Variants in ERBB4 observed in about 807,000 individuals in gnomAD.
The protein encoded by ERBB4 is erb-b2 receptor tyrosine kinase 4, also known as receptor tyrosine-protein kinase erbB-4.
In ERBB4, 42 loss-of-function variants were observed where a neutral mutation model predicts 158.0. The observed-to-expected ratio is 0.27, with a 90% CI of 0.21 to 0.34. ERBB4 has a LOEUF of 0.34. Among genes scored for constraint, ERBB4 ranks in the 10% least tolerant of loss-of-function variants. The probability of loss-of-function intolerance (pLI) is 1.00; values close to 1 mark genes in which losing one functional copy is unlikely to be tolerated. For missense variants in ERBB4, 1,333 were observed against 1,624.1 expected (o/e 0.82, Z 3.08); for synonymous variants, 583 against 558.7 (o/e 1.04, Z -0.61).
intron 1 of ERBB4, among the ~76,000 whole-genome samples, chr2:212,283,539 C>A (rs571909330): frequency 5.3e-5 from 8 of 151,882 alleles, no homozygotes; most frequent in African/African-American, 1.9e-4. Context: ...TATGTATCAC[C>A]CCTTAGAGTT....
chr2:211,702,775 G>C (rs1032446008), intron 11 of ERBB4, among the ~76,000 whole-genome samples: 1 of 152,038 alleles, frequency 6.6e-6, no homozygotes, highest in Non-Finnish European at 1.5e-5. Context: ...TGGGGAAAAG[G>C]TCTCTAAAAG....
chr2:212,533,604 G>C (rs978514853), intron 1 of ERBB4, among the ~76,000 whole-genome samples: 1 of 151,990 alleles, frequency 6.6e-6, no homozygotes, highest in Non-Finnish European at 1.5e-5. Context: ...CATAAAAAGG[G>C]GTTATTTTTC....
intron 20 of ERBB4, among the ~76,000 whole-genome samples, chr2:211,529,892 G>A (rs2066449532): frequency 6.6e-6 from 1 of 152,110 alleles, no homozygotes; most frequent in Non-Finnish European, 1.5e-5. Context: ...GCATCATACT[G>A]AAGGGAGAAA....
intron 1 of ERBB4, among the ~76,000 whole-genome samples, chr2:212,413,891 G>A (rs1173992390): frequency 6.6e-6 from 1 of 152,036 alleles, no homozygotes; most frequent in Non-Finnish European, 1.5e-5. Flanking sequence ...GATAAAACAA[G>A]AGTACAGCCT....
At chr2:211,632,019 A>G (rs1464446631) in intron 16 of ERBB4, among the ~76,000 whole-genome samples, 1 of 152,100 alleles carries the variant, frequency 6.6e-6, no homozygotes, top group Non-Finnish European at 1.5e-5. Context: ...AACTTCTTCT[A>G]TAAATGAAAT....
chr2:212,051,920 T>C (rs983534570), intron 2 of ERBB4, among the ~76,000 whole-genome samples: 2 of 152,196 alleles, frequency 1.3e-5, no homozygotes, highest in African/African-American at 4.8e-5. Flanking sequence ...GTTCAGATTT[T>C]GACCTTAACA....
At chr2:211,711,172 T>C (rs1434536164) in intron 9 of ERBB4, among the ~76,000 whole-genome samples, 1 of 152,116 alleles carries the variant, frequency 6.6e-6, no homozygotes, top group Non-Finnish European at 1.5e-5. Context: ...ATATAATAAT[T>C]GATTTGAATG....
At chr2:211,917,665 G>A (rs1167170795) in intron 3 of ERBB4, among the ~76,000 whole-genome samples, 1 of 152,100 alleles carries the variant, frequency 6.6e-6, no homozygotes, top group South Asian at 2.1e-4. Context: ...CTAAAAGTGG[G>A]TATAGGACTG....
chr2:212,183,011 G>A (rs941966645), intron 1 of ERBB4, among the ~76,000 whole-genome samples: 1 of 151,446 alleles, frequency 6.6e-6, no homozygotes, highest in Non-Finnish European at 1.5e-5. Flanking sequence ...AAATAATATA[G>A]ATAAAACCCA....
At chr2:212,101,610 T>C (rs1468180861) in intron 2 of ERBB4, among the ~76,000 whole-genome samples, 3 of 151,788 alleles carry the variant, frequency 2.0e-5, no homozygotes, top group Non-Finnish European at 4.4e-5. Flanking sequence ...CACAAAAAGT[T>C]GAAAACGCTC....
chr2:212,129,481 T>C (rs1245081317), intron 1 of ERBB4, among the ~76,000 whole-genome samples: 3 of 151,586 alleles, frequency 2.0e-5, no homozygotes, highest in Admixed American at 2.0e-4. Context: ...ATTCATAAGT[T>C]CTCATTAATA....
At chr2:212,481,412 C>A (rs1013129032) in intron 1 of ERBB4, among the ~76,000 whole-genome samples, 1 of 152,062 alleles carries the variant, frequency 6.6e-6, no homozygotes, top group African/African-American at 2.4e-5. Context: ...AAACAGAAAG[C>A]ACAAAGAGGG....
At position 211,878,930 on chromosome 2, in the gene ERBB4, A is replaced by G. The variant is rs538549358; in HGVS notation, c.421+68500T>C. On this transcript the variant is annotated intron_variant, in intron 3 of 27. Transcript: ENST00000342788. ...AGCACAAATGATAATAACAAGAAAGACTAACATTCACTGAGTTCTTAACAG... is the reference window on the plus strand; with the variant it reads ...AGCACAAATGATAATAACAAGAAAGGCTAACATTCACTGAGTTCTTAACAG... Among the ~76,000 whole-genome samples, 211 of 152,316 alleles carry G rather than the reference A, an allele frequency of 1.4e-3. 2 individuals are homozygous for G. The highest frequency in any genetic ancestry group is 6.8e-3 in the Middle Eastern group (2 of 294).
chr2:211,464,769 T>G (rs1264380302), intron 20 of ERBB4, among the ~76,000 whole-genome samples: 1 of 152,026 alleles, frequency 6.6e-6, no homozygotes, highest in Admixed American at 6.6e-5. Context: ...CATTTAACAT[T>G]TTAACTTGAT....
chr2:212,351,864 T>C (rs536181397), intron 1 of ERBB4, among the ~76,000 whole-genome samples: 2 of 152,154 alleles, frequency 1.3e-5, no homozygotes, highest in Non-Finnish European at 2.9e-5. Context: ...TAGCACAGTG[T>C]CATCTTTTCA....
At chr2:212,096,806 A>G (rs1269393598) in intron 2 of ERBB4, among the ~76,000 whole-genome samples, 1 of 152,198 alleles carries the variant, frequency 6.6e-6, no homozygotes. Context: ...TGGGTGCCAG[A>G]CAATGGGTAT....
intron 1 of ERBB4, among the ~76,000 whole-genome samples, chr2:212,208,943 C>A (rs560753617): frequency 2.7e-4 from 41 of 152,176 alleles, no homozygotes; most frequent in Admixed American, 2.7e-3. Flanking sequence ...TTCAAAAAAT[C>A]TTTTAAACTG....
rs189021653 is a variant in ERBB4, at chr2:212,191,581, C to A, written c.83-66678G>T. ...GTTATATATAACACATGTGTTATGCCTGTTATATATAACACATGTGTTATG... is the reference window on the plus strand; with the variant it reads ...GTTATATATAACACATGTGTTATGCATGTTATATATAACACATGTGTTATG... On this transcript the variant is annotated intron_variant, in intron 1 of 27. Coordinates refer to ENST00000342788, the MANE Select transcript of ERBB4 (RefSeq NM_005235.3). Among the ~76,000 whole-genome samples, 402 of 45,948 alleles carry A rather than the reference C, an allele frequency of 8.7e-3. 37 individuals carry two copies. The highest frequency in any genetic ancestry group is 0.029 in the African/African-American group (370 of 12,828). 30.1% of individuals were successfully genotyped at this position (45,948 alleles called of 152,430 possible). A position where few individuals can be genotyped will look rare whatever the true frequency, so the allele number is the denominator to read the frequency against.
chr2:212,211,388 T>C (rs17417113), intron 1 of ERBB4, among the ~76,000 whole-genome samples: 24,629 of 152,088 alleles, frequency 0.16, 2,420 homozygotes, highest in Non-Finnish European at 0.21. Context: ...TGCAAAAGAC[T>C]CAGCTTTCAA....
Sources: allele counts gnomAD v4.1 joint callset (sites outside exome capture counted in the v4.1 genomes callset), GRCh38; gene constraint gnomAD v4.1.1; transcripts MANE v1.5; gene names NCBI Gene and HGNC (gene_info 2026-07-23, HGNC 2026-07-21).